Variants in TSHZ2 observed in about 807,000 individuals in gnomAD.
TSHZ2 encodes the protein teashirt zinc finger homeobox 2.
In TSHZ2, 21 loss-of-function variants were observed where a neutral mutation model predicts 74.4. The ratio of observed to expected loss-of-function variants is 0.28; its 90% confidence interval spans 0.20 to 0.41. The LOEUF (loss-of-function observed/expected upper bound fraction) is 0.41. Among genes scored for constraint, TSHZ2 ranks in the 10% least tolerant of loss-of-function variants. The pLI, the probability that TSHZ2 is intolerant of heterozygous loss-of-function variation, is 1.00. For synonymous variants in TSHZ2, 540 were observed against 515.3 expected (o/e 1.05, Z -0.65); for missense variants, 1,244 against 1,293.5 (o/e 0.96, Z 0.59).
chr20:53,084,702 T>TCTCCTTCCCTCC (rs1353536215), intron 1 of TSHZ2, among the ~76,000 whole-genome samples: 1 of 109,346 alleles, frequency 9.1e-6, no homozygotes, highest in African/African-American at 3.5e-5. Context: ...TCTCTCCCTC[T>TCTCCTTCCCTCC]CTCCCTCTCT....
chr20:53,058,761 A>T (rs1984726474), intron 1 of TSHZ2, among the ~76,000 whole-genome samples: 1 of 152,246 alleles, frequency 6.6e-6, no homozygotes, highest in Non-Finnish European at 1.5e-5. Context: ...TCTGTAAGAA[A>T]GCAGTTACTT....
chr20:53,311,571 T>G (rs1275756918), intron 2 of TSHZ2, among the ~76,000 whole-genome samples: 4 of 152,190 alleles, frequency 2.6e-5, no homozygotes, highest in Non-Finnish European at 5.9e-5. Flanking sequence ...AGTGAATTTT[T>G]GCAGACTGTG....
chr20:52,980,234 T>A (rs930047168), intron 1 of TSHZ2, among the ~76,000 whole-genome samples: 1 of 152,192 alleles, frequency 6.6e-6, no homozygotes, highest in South Asian at 2.1e-4. Context: ...GACAACAGCA[T>A]TGCGTTTTAG....
intron 1 of TSHZ2, among the ~76,000 whole-genome samples, chr20:53,106,430 A>G (rs1986372042): frequency 1.2e-5 from 1 of 83,780 alleles, no homozygotes; most frequent in Non-Finnish European, 2.0e-5. Context: ...TTTGAGACGG[A>G]GTCTTGCTCT....
chr20:53,042,732 G>T (rs886117533), intron 1 of TSHZ2, among the ~76,000 whole-genome samples: 1 of 150,482 alleles, frequency 6.6e-6, no homozygotes, highest in Non-Finnish European at 1.5e-5. Context: ...GGAATTCCAA[G>T]CTTCCAAGGC....
intron 1 of TSHZ2, among the ~76,000 whole-genome samples, chr20:53,015,311 G>A (rs983563848): frequency 1.3e-5 from 2 of 152,054 alleles, no homozygotes; most frequent in East Asian, 1.9e-4. Flanking sequence ...TTTCTTGTAC[G>A]GGAACAGTGG....
chr20:53,468,468 G>A (rs1985626704), intron 2 of TSHZ2, among the ~76,000 whole-genome samples: 1 of 152,078 alleles, frequency 6.6e-6, no homozygotes, highest in Non-Finnish European at 1.5e-5. Flanking sequence ...CTTCTTGCCT[G>A]ACATTTTTGT....
At chr20:53,135,836 C>A (rs878936227) in intron 1 of TSHZ2, among the ~76,000 whole-genome samples, 1 of 152,054 alleles carries the variant, frequency 6.6e-6, no homozygotes, top group Non-Finnish European at 1.5e-5. Flanking sequence ...AACTCCTGGG[C>A]TCAAATGATC....
At chr20:53,106,118 A>G (rs867545160) in intron 1 of TSHZ2, among the ~76,000 whole-genome samples, 1 of 152,234 alleles carries the variant, frequency 6.6e-6, no homozygotes, top group East Asian at 1.9e-4. Flanking sequence ...TCTATTGGCT[A>G]TTCTGAAATA....
chr20:53,137,119 C>T (rs1987265021), intron 1 of TSHZ2, among the ~76,000 whole-genome samples: 1 of 152,104 alleles, frequency 6.6e-6, no homozygotes, highest in Non-Finnish European at 1.5e-5. Flanking sequence ...TTACCTACTT[C>T]AATTTCCCAC....
intron 1 of TSHZ2, among the ~76,000 whole-genome samples, chr20:53,070,642 GTGTGTGTGTATGAA>G (rs1392691621): frequency 2.6e-5 from 4 of 152,140 alleles, no homozygotes; most frequent in Non-Finnish European, 4.4e-5. Context: ...ATACAGTGAT[GTGTGTGTGTATGAA>G]TGTGTGTGTA....
At chr20:53,006,333 A>G (rs1982644143) in intron 1 of TSHZ2, among the ~76,000 whole-genome samples, 1 of 152,256 alleles carries the variant, frequency 6.6e-6, no homozygotes. Context: ...CATGCCTGAA[A>G]AGAGACTGAG....
chr20:53,142,325 G>C (rs530898360), intron 1 of TSHZ2, among the ~76,000 whole-genome samples: 1 of 152,148 alleles, frequency 6.6e-6, no homozygotes, highest in Non-Finnish European at 1.5e-5. Context: ...CAGGGCTTCC[G>C]GTTCAGACCG....
In TSHZ2 at chr20:53,495,280, T is replaced by C. The variant is rs1057389163; in HGVS notation, c.*8145T>C. The C allele has an allele frequency of 1.3e-5, 2 of 152,188 alleles. No individual in the cohort carries two copies. The highest frequency in any genetic ancestry group is 6.5e-5 in the Admixed American group (1 of 15,276). The allele number at this position is 152,188 out of a possible 1,614,324, so 9.4% of individuals were successfully genotyped here. A position where few individuals can be genotyped will look rare whatever the true frequency, so the allele number is the denominator to read the frequency against. ...GCTTTCTGGAGATGTTACTGTTAAATGTCTTTCTACATCAGGCTTAATAAA... is the reference window on the plus strand; with the variant it reads ...GCTTTCTGGAGATGTTACTGTTAAACGTCTTTCTACATCAGGCTTAATAAA... On this transcript the variant is annotated 3_prime_UTR_variant, in exon 3 of 3. Transcript: ENST00000371497.
Position 53,175,131 on chromosome 20 carries a change from CTTTTTTT to C in TSHZ2, c.41-78346_41-78340del, listed in dbSNP as rs750453219. On this transcript the variant is annotated intron_variant, in intron 1 of 2. Transcript: ENST00000371497. Reference sequence around the variant, plus strand: ...CTCCTTCTCCTCCTTCTTCTTCTTTCTTTTTTTTTTTTTTTTTTTTTTTTTTTTCAAC... The same window carrying C: ...CTCCTTCTCCTCCTTCTTCTTCTTTCTTTTTTTTTTTTTTTTTTTTTCAAC... 9.9e-3 allele frequency among the ~76,000 whole-genome samples: 633 copies of C among 63,656 alleles called. 5 individuals are homozygous for C. Among genetic ancestry groups the C allele is most frequent in the African/African-American group, 0.034 (476 of 13,894 alleles). 41.8% of individuals were successfully genotyped at this position (63,656 alleles called of 152,430 possible).
intron 2 of TSHZ2, among the ~76,000 whole-genome samples, chr20:53,276,852 G>T (rs1990957202): frequency 6.6e-6 from 1 of 152,226 alleles, no homozygotes; most frequent in African/African-American, 2.4e-5. Context: ...AAGTGCTCCA[G>T]ATAGTTTGCT....
At chr20:53,169,018 T>C (rs750362296) in intron 1 of TSHZ2, among the ~76,000 whole-genome samples, 11 of 152,190 alleles carry the variant, frequency 7.2e-5, no homozygotes, top group Non-Finnish European at 1.6e-4. Context: ...TCCCTAAACA[T>C]GCCAAGCATC....
At chr20:53,204,598 G>A (rs2123589609) in intron 1 of TSHZ2, among the ~76,000 whole-genome samples, 1 of 152,114 alleles carries the variant, frequency 6.6e-6, no homozygotes, top group Admixed American at 6.5e-5. Flanking sequence ...GAAGCCTTCA[G>A]TATCTGATCA....
At chr20:53,315,777 T>C (rs1600806601) in intron 2 of TSHZ2, among the ~76,000 whole-genome samples, 1 of 152,150 alleles carries the variant, frequency 6.6e-6, no homozygotes, top group East Asian at 1.9e-4. Context: ...AATAAATAAA[T>C]AACTAATCCA....
Sources: allele counts gnomAD v4.1 joint callset (sites outside exome capture counted in the v4.1 genomes callset), GRCh38; gene constraint gnomAD v4.1.1; transcripts MANE v1.5; gene names NCBI Gene and HGNC (gene_info 2026-07-23, HGNC 2026-07-21).